Variants in CLMP observed in about 807,000 individuals in gnomAD.
CLMP encodes the protein CXADR like cell adhesion molecule.
CLMP carries 27 observed loss-of-function variants against 45.2 expected under a neutral mutation model. The ratio of observed to expected loss-of-function variants is 0.60; its 90% CI spans 0.44 to 0.82. The LOEUF (loss-of-function observed/expected upper bound fraction) is 0.82. Ranked by LOEUF, CLMP falls within the 40% of genes least tolerant of loss-of-function variation. The probability of loss-of-function intolerance (pLI) is 0.00; values close to 1 mark genes in which losing one functional copy is unlikely to be tolerated. For missense variants in CLMP, 403 were observed against 448.4 expected (o/e 0.90, Z 0.91); for synonymous variants, 167 against 171.4 (o/e 0.97, Z 0.20).
intron 1 of CLMP, among the ~76,000 whole-genome samples, chr11:123,131,376 A>G (rs1056442318): frequency 1.3e-5 from 2 of 152,192 alleles, no homozygotes; most frequent in African/African-American, 4.8e-5. Context: ...ATTTTGACAA[A>G]GAAATATTTT....
At chr11:123,144,921 G>A (rs978342668) in intron 1 of CLMP, among the ~76,000 whole-genome samples, 4 of 152,032 alleles carry the variant, frequency 2.6e-5, no homozygotes, top group African/African-American at 9.7e-5. Flanking sequence ...CGGTTTTTCA[G>A]ACTTACAGGC....
intron 1 of CLMP, among the ~76,000 whole-genome samples, chr11:123,176,196 G>A (rs926621351): frequency 2.0e-5 from 3 of 151,966 alleles, no homozygotes; most frequent in South Asian, 2.1e-4. Context: ...CTTCTTTTTA[G>A]GAATAATTTT....
chr11:123,162,829 G>A (rs1861505082), intron 1 of CLMP, among the ~76,000 whole-genome samples: 1 of 151,730 alleles, frequency 6.6e-6, no homozygotes, highest in South Asian at 2.1e-4. Flanking sequence ...TTGAGCCCGG[G>A]AGGCTCAAAA....
At chr11:123,112,557 G>A (rs1252600802) in intron 1 of CLMP, among the ~76,000 whole-genome samples, 1 of 151,706 alleles carries the variant, frequency 6.6e-6, no homozygotes, top group Non-Finnish European at 1.5e-5. Flanking sequence ...GGCTGGTCCC[G>A]AACTCCTGAC....
intron 2 of CLMP, among the ~76,000 whole-genome samples, chr11:123,087,685 G>T (rs550278549): frequency 1.3e-5 from 2 of 151,538 alleles, no homozygotes; most frequent in Non-Finnish European, 2.9e-5. Flanking sequence ...GCTGGGTGTG[G>T]TGGCATATGC....
intron 1 of CLMP, among the ~76,000 whole-genome samples, chr11:123,162,858 C>T (rs1022917719): frequency 2.6e-5 from 4 of 151,286 alleles, no homozygotes; most frequent in South Asian, 4.2e-4. Flanking sequence ...TGAGTCAAGA[C>T]GGCACCACCG....
chr11:123,108,115 C>T (rs1318148735), intron 1 of CLMP, among the ~76,000 whole-genome samples: 1 of 152,116 alleles, frequency 6.6e-6, no homozygotes, highest in East Asian at 1.9e-4. Context: ...CTCCGATCAG[C>T]TCCCCCTAGC....
chr11:123,130,258 G>A (rs776633631), intron 1 of CLMP, among the ~76,000 whole-genome samples: 5 of 152,082 alleles, frequency 3.3e-5, no homozygotes, highest in South Asian at 2.1e-4. Context: ...TAACTGCCCC[G>A]AGAGGCCTCA....
At chr11:123,185,380 C>T (rs113109996) in intron 1 of CLMP, among the ~76,000 whole-genome samples, 4,654 of 151,816 alleles carry the variant, frequency 0.031, 221 homozygotes, top group African/African-American at 0.1. Flanking sequence ...GCCAATTTGG[C>T]GCCAGGGGAG....
At chr11:123,152,565 A>AT (rs1272098229) in intron 1 of CLMP, among the ~76,000 whole-genome samples, 130 of 144,706 alleles carry the variant, frequency 9.0e-4, no homozygotes, top group African/African-American at 3.4e-3. Flanking sequence ...TAAATAAATA[A>AT]AAAATAAATA....
At chr11:123,096,541 A>C (rs1005229408) in intron 2 of CLMP, among the ~76,000 whole-genome samples, 1 of 152,164 alleles carries the variant, frequency 6.6e-6, no homozygotes, top group Non-Finnish European at 1.5e-5. Context: ...AAAAATAAAT[A>C]AATCAATAAA....
At chr11:123,083,404 A>G (rs1865827511) in intron 4 of CLMP, among the ~76,000 whole-genome samples, 197 bp from the exon 5 acceptor site, 1 of 152,226 alleles carries the variant, frequency 6.6e-6, no homozygotes. Flanking sequence ...AAAAGTTACA[A>G]AAGATTGTGA....
At chr11:123,120,386 C>CGGA (rs1860797804) in intron 1 of CLMP, among the ~76,000 whole-genome samples, 1 of 151,870 alleles carries the variant, frequency 6.6e-6, no homozygotes, top group African/African-American at 2.4e-5. Context: ...GATCTTTTCT[C>CGGA]TCATGTTGTT....
At chr11:123,177,548 A>G (rs1466216459) in intron 1 of CLMP, among the ~76,000 whole-genome samples, 2 of 152,226 alleles carry the variant, frequency 1.3e-5, no homozygotes, top group Non-Finnish European at 2.9e-5. Flanking sequence ...AGGGCTGTAA[A>G]CATGGATTCT....
chr11:123,112,219 G>A (rs867543804), intron 1 of CLMP, among the ~76,000 whole-genome samples: 1 of 152,104 alleles, frequency 6.6e-6, no homozygotes, highest in Admixed American at 6.6e-5. Flanking sequence ...AGTAAATTAC[G>A]AAACCCTGGA....
chr11:123,103,597 G>T (rs1860483576), intron 1 of CLMP, among the ~76,000 whole-genome samples: 1 of 152,218 alleles, frequency 6.6e-6, no homozygotes, highest in East Asian at 1.9e-4. Context: ...TGAGATCAGG[G>T]CGCATACACT....
At chr11:123,154,430 C>T (rs985546025) in intron 1 of CLMP, among the ~76,000 whole-genome samples, 2 of 152,192 alleles carry the variant, frequency 1.3e-5, no homozygotes, top group East Asian at 3.8e-4. Context: ...TGATGAGCCA[C>T]ATTTAGGGGT....
intron 1 of CLMP, among the ~76,000 whole-genome samples, chr11:123,124,870 T>C (rs533557110): frequency 6.6e-6 from 1 of 152,296 alleles, no homozygotes; most frequent in Admixed American, 6.5e-5. Flanking sequence ...TATTTAAATA[T>C]ATACATATGG....
At chr11:123,185,690 G>A (rs1012114774) in intron 1 of CLMP, among the ~76,000 whole-genome samples, 1 of 152,168 alleles carries the variant, frequency 6.6e-6, no homozygotes, top group African/African-American at 2.4e-5. Context: ...CCCGGACTCT[G>A]CCTGCCTGGC....
Sources: gnomAD v4.1 joint callset for allele counts (sites outside exome capture counted in the v4.1 genomes callset) on GRCh38, gnomAD v4.1.1 for gene constraint, MANE v1.5 for transcripts, NCBI Gene and HGNC (gene_info 2026-07-23, HGNC 2026-07-21) for gene names.